PIN4: variants seen among roughly 807,000 people sequenced by gnomAD.
PIN4 encodes peptidylprolyl cis/trans isomerase, NIMA-interacting 4.
Under a neutral mutation model 8.3 loss-of-function variants are expected in PIN4, and 3 were observed. That is an observed-to-expected ratio of 0.36 (90% CI 0.16 to 0.93). The LOEUF is 0.93. PIN4 is among the 40% of genes least tolerant of loss of function. The pLI, the probability that PIN4 is intolerant of heterozygous loss-of-function variation, is 0.44. For synonymous variants in PIN4, 18 were observed against 32.5 expected, an observed-to-expected ratio of 0.55 and a Z score of 1.52; for missense variants, 75 against 100.6, an observed-to-expected ratio of 0.75 and a Z score of 1.09.
chrX:72,229,813 G>C (rs1192744347), intron 3 of PIN4, among the ~76,000 whole-genome samples: 1 of 111,727 alleles, frequency 9.0e-6, no homozygotes. Flanking sequence ...AGAGCAAGCA[G>C]ATTAGCCACT....
chrX:72,207,427 A>G, intron 3 of PIN4: 3 of 1,211,517 alleles, frequency 2.5e-6, no homozygotes, highest in East Asian at 3.0e-5. Flanking sequence ...TACTTGATCA[A>G]TATGGTCCAC....
chrX:72,215,616 A>G (rs2042883439), intron 3 of PIN4, among the ~76,000 whole-genome samples: 1 of 111,638 alleles, frequency 9.0e-6, no homozygotes, highest in Admixed American at 9.6e-5. Context: ...TGCTTTGCCA[A>G]TAGACTGCTG....
intron 3 of PIN4, chrX:72,238,942 C>CG (rs1556405327): frequency 7.9e-6 from 9 of 1,133,005 alleles, no homozygotes; most frequent in Admixed American, 7.4e-5. Context: ...GTTACCCCGG[C>CG]GGGAGTTTGG....
intron 3 of PIN4, among the ~76,000 whole-genome samples, chrX:72,212,898 G>A (rs1238572787): frequency 9.0e-6 from 1 of 111,420 alleles, no homozygotes; most frequent in Non-Finnish European, 1.9e-5. Flanking sequence ...AGCTATGATC[G>A]TGTCACCACT....
At chrX:72,259,751 GAC>G (rs1158019305) in intron 3 of PIN4, among the ~76,000 whole-genome samples, 1 of 70,426 alleles carries the variant, frequency 1.4e-5, no homozygotes, top group Non-Finnish European at 2.5e-5. Context: ...TTTTTTTTGA[GAC>G]AGAGTCTCGC....
intron 3 of PIN4, chrX:72,206,335 A>G: frequency 2.1e-5 from 26 of 1,210,138 alleles, no homozygotes; most frequent in Non-Finnish European, 2.9e-5. Context: ...TAAAGTAGCT[A>G]TAGAGTCAGC....
At chrX:72,231,520 A>G (rs1449450250) in intron 3 of PIN4, among the ~76,000 whole-genome samples, 1 of 111,338 alleles carries the variant, frequency 9.0e-6, no homozygotes, top group East Asian at 2.8e-4. Flanking sequence ...TATTAATAAT[A>G]ATGAATCATA....
chrX:72,245,587 G>A (rs1358204377), intron 3 of PIN4, among the ~76,000 whole-genome samples: 1 of 111,650 alleles, frequency 9.0e-6, no homozygotes, highest in East Asian at 2.8e-4. Context: ...TTGAGACTGA[G>A]GGTTTAATCT....
chrX:72,262,730 TG>T lies in PIN4; in HGVS notation c.338del (p.Gly113ValfsTer6). The T allele has an allele frequency of 8.7e-7, 1 of 1,147,859 alleles. No homozygotes were observed. The highest frequency in any genetic ancestry group is 2.6e-5 in the Admixed American group (1 of 38,610). 94.6% of individuals were successfully genotyped at this position (1,147,859 alleles called of 1,213,427 possible). A position where few individuals can be genotyped will look rare whatever the true frequency, so the allele number is the denominator to read the frequency against. ...AGATTCCCAGCCTGCAGCAACATGC[TG>T]GTCACCATAGAGACCTGAGAAGCAC... On this transcript the variant is annotated frameshift_variant, in exon 4 of 4. Transcript: ENST00000423432. LOFTEE classifies it high-confidence loss of function.
intron 3 of PIN4, among the ~76,000 whole-genome samples, chrX:72,230,979 C>A (rs2042980111): frequency 9.0e-6 from 1 of 111,678 alleles, no homozygotes; most frequent in African/African-American, 3.3e-5. Context: ...TAAATAAATA[C>A]ATACATAAGT....
rs753559269 is a variant in PIN4, at chrX:72,190,847, G to A, written c.117+4313G>A. Among the ~76,000 whole-genome samples the A allele has an allele frequency of 4.2e-4, 45 of 108,197 alleles. No homozygotes were observed. The South Asian group carries it at 0.018, about 44-fold the overall frequency. 94.0% of individuals were successfully genotyped at this position (108,197 alleles called of 115,157 possible). Reference sequence around the variant, plus strand: ...GGGTGCCTATAATCCCAGCTACTCGGGAGGCTGAGGCAGGAGAATCACTTG... The same window carrying A: ...GGGTGCCTATAATCCCAGCTACTCGAGAGGCTGAGGCAGGAGAATCACTTG... On this transcript the variant is annotated intron_variant, in intron 2 of 3. Coordinates refer to ENST00000373669, the MANE Select transcript of PIN4 (RefSeq NM_006223.4).
chrX:72,224,630 C>T (rs1354200554), intron 3 of PIN4, among the ~76,000 whole-genome samples: 2 of 111,190 alleles, frequency 1.8e-5, no homozygotes, highest in East Asian at 5.6e-4. Flanking sequence ...CCTATAATCC[C>T]AGCTACTCGG....
chrX:72,188,243 T>A (rs1319573653), intron 2 of PIN4, among the ~76,000 whole-genome samples: 1 of 112,897 alleles, frequency 8.9e-6, no homozygotes, highest in Non-Finnish European at 1.9e-5. Context: ...CCATATGACA[T>A]CTTCATAAAG....
intron 3 of PIN4, among the ~76,000 whole-genome samples, chrX:72,217,324 G>C (rs1210635286): frequency 8.9e-6 from 1 of 111,908 alleles, no homozygotes; most frequent in Non-Finnish European, 1.9e-5. Flanking sequence ...GGGTATAAAG[G>C]ACCTAAAAGA....
Position 72,198,175 on chromosome X carries a change from C to G in PIN4, c.*649C>G. 2 of 747,280 alleles carry G rather than the reference C, an allele frequency of 2.7e-6. No individual in the cohort carries two copies. Among genetic ancestry groups the G allele is most frequent in the Non-Finnish European group, 3.2e-6 (2 of 632,775 alleles). The allele number at this position is 747,280 out of a possible 1,213,427, so 61.6% of individuals were successfully genotyped here. On this transcript the variant is annotated 3_prime_UTR_variant, in exon 4 of 4. Transcript: ENST00000373669. ...GATGTCAGCATAAAAATGTCATTCC[C>G]TCATCTTCAGTGTATGGGTTACATT...
chrX:72,254,061 T>A (rs1404776523), intron 3 of PIN4, among the ~76,000 whole-genome samples: 3 of 112,231 alleles, frequency 2.7e-5, no homozygotes, highest in Non-Finnish European at 5.6e-5. Context: ...ATAAAGCAGA[T>A]CAGGTCACTC....
At position 72,238,873 on chromosome X, in the gene PIN4, C is replaced by T. The variant is rs375803995; in HGVS notation, c.313-23834C>T. On this transcript the variant is annotated intron_variant, in intron 3 of 3. Transcript: ENST00000423432. ...GGTAATGAGCAGCCTGCTCTGGGCT[C>T]AAGGCCTCGGCTTCCGGAAACCTTC... 3.0e-5 allele frequency: 36 copies of T among 1,196,161 alleles called. No homozygotes were observed. The African/African-American group carries it at 5.8e-4, about 19-fold the overall frequency.
At chrX:72,244,561 C>A (rs2043060556) in intron 3 of PIN4, among the ~76,000 whole-genome samples, 1 of 111,207 alleles carries the variant, frequency 9.0e-6, no homozygotes, top group Non-Finnish European at 1.9e-5. Context: ...AGGGAACTGC[C>A]AATGGGAAAG....
chrX:72,223,281 G>C (rs6625982), intron 3 of PIN4, among the ~76,000 whole-genome samples: 1 of 99,982 alleles, frequency 1.0e-5, no homozygotes, highest in Non-Finnish European at 2.0e-5. Context: ...CGGAGGTTGC[G>C]GTGAGCTGAG....
Sources: allele counts gnomAD v4.1 joint callset (sites outside exome capture counted in the v4.1 genomes callset), GRCh38; gene constraint gnomAD v4.1.1; transcripts MANE v1.5; gene names NCBI Gene and HGNC (gene_info 2026-07-23, HGNC 2026-07-21).